The following CDH18 variants were observed in gnomAD, a reference collection of about 807,000 sequenced individuals.
CDH18 encodes the protein cadherin 18.
Under a neutral mutation model 67.9 loss-of-function variants are expected in CDH18, and 31 were observed. The observed-to-expected ratio is 0.46, with a 90% confidence interval of 0.34 to 0.62. The LOEUF is 0.62. Among genes scored for constraint, CDH18 ranks in the 20% least tolerant of loss-of-function variants. The probability of loss-of-function intolerance (pLI) is 0.01; values close to 1 mark genes in which losing one functional copy is unlikely to be tolerated. For synonymous variants in CDH18, 362 were observed against 347.2 expected, an observed-to-expected ratio of 1.04 and a Z score of -0.48; for missense variants, 890 against 975.5, an observed-to-expected ratio of 0.91 and a Z score of 1.17.
chr5:20,012,956 T>A (rs895394984), intron 2 of CDH18, among the ~76,000 whole-genome samples: 6 of 152,176 alleles, frequency 3.9e-5, no homozygotes, highest in African/African-American at 1.4e-4. Flanking sequence ...TAATGGATAT[T>A]AGTTATCTAA....
chr5:20,139,048 C>T (rs1209446072), intron 2 of CDH18, among the ~76,000 whole-genome samples: 1 of 152,158 alleles, frequency 6.6e-6, no homozygotes, highest in African/African-American at 2.4e-5. Context: ...AGGCATCATG[C>T]TACCTGACTT....
At chr5:20,542,387 T>C (rs115555740) in intron 1 of CDH18, among the ~76,000 whole-genome samples, 3 of 151,516 alleles carry the variant, frequency 2.0e-5, no homozygotes, top group Non-Finnish European at 4.4e-5. Flanking sequence ...ATCCCCATCA[T>C]GGTCTTGTGG....
chr5:20,152,849 T>G (rs1191608364), intron 2 of CDH18, among the ~76,000 whole-genome samples: 1 of 152,098 alleles, frequency 6.6e-6, no homozygotes, highest in Non-Finnish European at 1.5e-5. Flanking sequence ...AAAAGTTGTT[T>G]ACTGATCCCT....
chr5:20,368,139 C>T (rs2150080642), intron 1 of CDH18, among the ~76,000 whole-genome samples: 1 of 152,256 alleles, frequency 6.6e-6, no homozygotes, highest in Middle Eastern at 3.4e-3. Flanking sequence ...ATATTGAAAG[C>T]TTCTATGTCC....
At chr5:20,086,930 G>C (rs1561779187) in intron 2 of CDH18, among the ~76,000 whole-genome samples, 1 of 152,132 alleles carries the variant, frequency 6.6e-6, no homozygotes, top group African/African-American at 2.4e-5. Context: ...GTCTTACTAA[G>C]AAATGCATTC....
intron 1 of CDH18, among the ~76,000 whole-genome samples, chr5:20,330,927 C>T (rs1660641201): frequency 6.6e-6 from 1 of 152,186 alleles, no homozygotes; most frequent in South Asian, 2.1e-4. Context: ...TGCCTTATGT[C>T]CCCCAAACAA....
chr5:19,940,462 G>C (rs1459190864), intron 2 of CDH18, among the ~76,000 whole-genome samples: 1 of 151,586 alleles, frequency 6.6e-6, no homozygotes, highest in African/African-American at 2.4e-5. Context: ...TTTCAAAAAT[G>C]TGTATCGAAG....
At chr5:20,370,439 G>A (rs1742885162) in intron 1 of CDH18, among the ~76,000 whole-genome samples, 1 of 152,082 alleles carries the variant, frequency 6.6e-6, no homozygotes, top group Admixed American at 6.5e-5. Context: ...AATGATACTA[G>A]CTGGTAGCAG....
At chr5:20,156,772 T>C (rs909858979) in intron 2 of CDH18, among the ~76,000 whole-genome samples, 1 of 152,190 alleles carries the variant, frequency 6.6e-6, no homozygotes, top group East Asian at 1.9e-4. Context: ...TACCTTTCCA[T>C]GTATTTCCCA....
intron 1 of CDH18, among the ~76,000 whole-genome samples, chr5:20,500,528 T>C (rs1204402610): frequency 1.3e-5 from 2 of 152,190 alleles, no homozygotes; most frequent in East Asian, 3.9e-4. Flanking sequence ...GGAACAGGTA[T>C]AATGGCCTTC....
intron 2 of CDH18, among the ~76,000 whole-genome samples, chr5:20,176,787 TGGA>T (rs1295439954): frequency 2.0e-5 from 3 of 152,190 alleles, no homozygotes; most frequent in Admixed American, 6.6e-5. Flanking sequence ...AATGGTGACT[TGGA>T]AGTTCTTTAG....
chr5:20,324,482 A>C (rs1236716021), intron 1 of CDH18, among the ~76,000 whole-genome samples: 2 of 152,132 alleles, frequency 1.3e-5, no homozygotes, highest in Non-Finnish European at 2.9e-5. Context: ...CGGAGCTTGC[A>C]GTGAGCTGAG....
At chr5:20,178,537 G>A (rs1737421216) in intron 2 of CDH18, among the ~76,000 whole-genome samples, 1 of 149,538 alleles carries the variant, frequency 6.7e-6, no homozygotes, top group African/African-American at 2.4e-5. Context: ...GAGCAGGTGT[G>A]AGAGTAAACT....
intron 2 of CDH18, among the ~76,000 whole-genome samples, chr5:19,979,349 A>G (rs1373903736): frequency 6.6e-6 from 1 of 152,080 alleles, no homozygotes; most frequent in African/African-American, 2.4e-5. Context: ...TATATTTGCT[A>G]AAATATCAGT....
intron 1 of CDH18, among the ~76,000 whole-genome samples, chr5:20,488,384 T>C (rs995698180): frequency 6.6e-6 from 1 of 152,034 alleles, no homozygotes; most frequent in Non-Finnish European, 1.5e-5. Context: ...TGAGTCAGTC[T>C]TTCACTGAGC....
chr5:20,097,267 G>A (rs565892973), intron 2 of CDH18, among the ~76,000 whole-genome samples: 2 of 151,988 alleles, frequency 1.3e-5, no homozygotes, highest in Non-Finnish European at 2.9e-5. Flanking sequence ...AAATACCCAA[G>A]ACTGGGTGAT....
At chr5:20,408,852 A>C (rs185467777) in intron 1 of CDH18, among the ~76,000 whole-genome samples, 14 of 151,952 alleles carry the variant, frequency 9.2e-5, no homozygotes, top group African/African-American at 3.4e-4. Context: ...TTCTAGATTT[A>C]AATAAATAAT....
At chr5:19,774,136 A>C (rs1774022358) in intron 3 of CDH18, among the ~76,000 whole-genome samples, 1 of 152,178 alleles carries the variant, frequency 6.6e-6, no homozygotes, top group African/African-American at 2.4e-5. Flanking sequence ...TAGCATAGAT[A>C]AACACCTACA....
chr5:20,461,201 G>A (rs979812506), intron 1 of CDH18, among the ~76,000 whole-genome samples: 13 of 152,098 alleles, frequency 8.5e-5, no homozygotes, highest in South Asian at 6.2e-4. Flanking sequence ...GAGCATGAGC[G>A]TCCTGCTTGG....
Sources: allele counts gnomAD v4.1 joint callset (sites outside exome capture counted in the v4.1 genomes callset), GRCh38; gene constraint gnomAD v4.1.1; transcripts MANE v1.5; gene names NCBI Gene and HGNC (gene_info 2026-07-23, HGNC 2026-07-21).